The following SCFD2 variants were observed in gnomAD, a reference collection of about 807,000 sequenced individuals.
SCFD2 encodes the protein sec1 family domain-containing protein 2.
Under a neutral mutation model 58.9 loss-of-function variants are expected in SCFD2, and 54 were observed. The ratio of observed to expected loss-of-function variants is 0.92; its 90% confidence interval spans 0.74 to 1.15. SCFD2 has a LOEUF of 1.15. Ranked by LOEUF, SCFD2 falls within the 50% of genes most tolerant of loss-of-function variation. The pLI is 0.00. For missense variants in SCFD2, 805 were observed against 836.6 expected, an observed-to-expected ratio of 0.96 and a Z score of 0.47; for synonymous variants, 321 against 335.9, an observed-to-expected ratio of 0.96 and a Z score of 0.49.
At chr4:53,350,213 C>T (rs532993074) in intron 2 of SCFD2, among the ~76,000 whole-genome samples, 9 of 152,284 alleles carry the variant, frequency 5.9e-5, no homozygotes, top group East Asian at 1.9e-4. Context: ...ACCACCCCTC[C>T]GCCATGCCAT....
chr4:53,297,403 T>C (rs1732078185), intron 3 of SCFD2, among the ~76,000 whole-genome samples: 1 of 152,202 alleles, frequency 6.6e-6, no homozygotes, highest in Admixed American at 6.5e-5. Context: ...CCCTTCTTCG[T>C]CTCTTTTGAT....
intron 5 of SCFD2, among the ~76,000 whole-genome samples, chr4:53,144,616 T>A (rs1454978534): frequency 6.6e-6 from 1 of 150,552 alleles, no homozygotes; most frequent in African/African-American, 2.4e-5. Context: ...TTGTGTAACA[T>A]CTCAAAGAAA....
chr4:53,330,954 T>G (rs1396108994), intron 2 of SCFD2, among the ~76,000 whole-genome samples: 1 of 151,244 alleles, frequency 6.6e-6, no homozygotes, highest in African/African-American at 2.4e-5. Flanking sequence ...TCTTAGTCTC[T>G]GATAAAACAG....
chr4:53,001,409 AT>A (rs1292033900), intron 5 of SCFD2, among the ~76,000 whole-genome samples: 1 of 152,124 alleles, frequency 6.6e-6, no homozygotes, highest in Non-Finnish European at 1.5e-5. Flanking sequence ...TTTTTCCAGT[AT>A]TTTGTTTCTC....
chr4:53,296,248 C>T (rs2149091826), intron 3 of SCFD2, among the ~76,000 whole-genome samples: 1 of 152,210 alleles, frequency 6.6e-6, no homozygotes, highest in East Asian at 1.9e-4. Context: ...TAGAATTTGG[C>T]TATGAATCTC....
chr4:53,248,215 C>T (rs1050135931), intron 4 of SCFD2, among the ~76,000 whole-genome samples: 47 of 152,202 alleles, frequency 3.1e-4, no homozygotes, highest in African/African-American at 9.9e-4. Flanking sequence ...GCTTTTCTGA[C>T]GGGCTTAGGA....
At chr4:53,335,941 G>C (rs774211679) in intron 2 of SCFD2, among the ~76,000 whole-genome samples, 2 of 152,138 alleles carry the variant, frequency 1.3e-5, no homozygotes, top group Admixed American at 6.5e-5. Flanking sequence ...AAAATGCTCT[G>C]AGTAATCTCT....
intron 5 of SCFD2, among the ~76,000 whole-genome samples, chr4:53,129,281 G>A (rs986244886): frequency 1.8e-4 from 27 of 151,972 alleles, no homozygotes; most frequent in Non-Finnish European, 2.6e-4. Context: ...ATAGAGAAAG[G>A]GGCTTCATTT....
rs535074624 is a variant in SCFD2, at chr4:52,951,579, T to G, written c.1562-30709A>C. ...GCAGAAGCATCATCTGCATACTGAC[T>G]ATCTGTAGGATCCACCTAATTTTCC... On this transcript the variant is annotated intron_variant, in intron 5 of 8. Coordinates refer to ENST00000401642, the MANE Select transcript of SCFD2 (RefSeq NM_152540.4). 5.3e-5 allele frequency among the ~76,000 whole-genome samples: 8 copies of G among 152,332 alleles called. 1 individual carries two copies. In the South Asian group the frequency reaches 1.0e-3, roughly 20 times the overall value.
chr4:52,959,648 G>A (rs923826424), intron 5 of SCFD2, among the ~76,000 whole-genome samples: 5 of 152,008 alleles, frequency 3.3e-5, no homozygotes, highest in South Asian at 2.1e-4. Context: ...CTCTTGCTTC[G>A]TATACGACAC....
At chr4:53,345,591 T>C (rs547270523) in intron 2 of SCFD2, among the ~76,000 whole-genome samples, 1 of 152,086 alleles carries the variant, frequency 6.6e-6, no homozygotes, top group Non-Finnish European at 1.5e-5. Flanking sequence ...GCAATCCCAT[T>C]ACTGGGTATA....
rs373543234 is a variant in SCFD2 at position 53,108,008 on chromosome 4, A to T, written c.1561+37325T>A. Among the ~76,000 whole-genome samples the T allele has an allele frequency of 1.8e-4, 27 of 152,342 alleles. No homozygotes were observed. The South Asian group carries it at 5.6e-3, about 32-fold the overall frequency. On this transcript the variant is annotated intron_variant, in intron 5 of 8. Coordinates refer to ENST00000401642, the MANE Select transcript of SCFD2 (RefSeq NM_152540.4). The stretch of plus-strand genomic sequence containing the variant: ...ACTCAGCAAATGCAAAAGAACGGAA[A>T]TCAGAACAACAGTCTTTCAGACCAC...
chr4:53,298,644 C>G lies in SCFD2; in HGVS notation c.1135+14992G>C, dbSNP rs1395899435. ...TGAGATCTGAGAAAGGGCAGACTGC[C>G]TCCTCAAGTGGGTCCTTGACCCCCG... On this transcript the variant is annotated intron_variant, in intron 3 of 8. Transcript: ENST00000401642. Among the ~76,000 whole-genome samples, 3 of 152,224 alleles carry G rather than the reference C, an allele frequency of 2.0e-5. No individual in the cohort carries two copies. In the East Asian group the frequency reaches 5.8e-4, roughly 29 times the overall value.
At chr4:53,224,065 CT>C (rs2148997871) in intron 4 of SCFD2, among the ~76,000 whole-genome samples, 1 of 152,142 alleles carries the variant, frequency 6.6e-6, no homozygotes, top group East Asian at 1.9e-4. Flanking sequence ...TAGTCAATTA[CT>C]TTCTGGAACT....
intron 4 of SCFD2, among the ~76,000 whole-genome samples, chr4:53,194,294 C>G (rs537714357): frequency 1.3e-5 from 2 of 152,258 alleles, no homozygotes; most frequent in East Asian, 3.9e-4. Context: ...GTCACTACTA[C>G]TACCACTATG....
intron 5 of SCFD2, among the ~76,000 whole-genome samples, chr4:53,034,673 A>C (rs2148820651): frequency 6.6e-6 from 1 of 152,298 alleles, no homozygotes; most frequent in Non-Finnish European, 1.5e-5. Context: ...ATTCCTATAC[A>C]CCAATAACAG....
intron 5 of SCFD2, among the ~76,000 whole-genome samples, chr4:52,934,646 G>C (rs1720091532): frequency 6.6e-6 from 1 of 152,154 alleles, no homozygotes; most frequent in Non-Finnish European, 1.5e-5. Context: ...AGCATGTACT[G>C]AGCTCTTACT....
intron 5 of SCFD2, among the ~76,000 whole-genome samples, chr4:52,962,706 GT>G (rs1336454107): frequency 6.6e-6 from 1 of 152,120 alleles, no homozygotes; most frequent in African/African-American, 2.4e-5. Context: ...GGCTAAGAAA[GT>G]AGACAAAAGT....
At chr4:53,098,902 T>C (rs1724744140) in intron 5 of SCFD2, among the ~76,000 whole-genome samples, 1 of 152,190 alleles carries the variant, frequency 6.6e-6, no homozygotes, top group Non-Finnish European at 1.5e-5. Context: ...TTTGTTTCCA[T>C]AGACCTATTC....
Sources: allele counts gnomAD v4.1 joint callset (sites outside exome capture counted in the v4.1 genomes callset), GRCh38; gene constraint gnomAD v4.1.1; transcripts MANE v1.5; gene names NCBI Gene and HGNC (gene_info 2026-07-23, HGNC 2026-07-21).